Variants in MYO5C observed in about 807,000 individuals in gnomAD.
The protein encoded by MYO5C is unconventional myosin-Vc.
A neutral mutation model predicts 235.7 loss-of-function variants in MYO5C; 194 were observed. The ratio of observed to expected loss-of-function variants is 0.82; its 90% CI spans 0.73 to 0.93. MYO5C has a LOEUF of 0.93. MYO5C is among the 40% of genes least tolerant of loss of function. The pLI, the probability that MYO5C is intolerant of heterozygous loss-of-function variation, is 0.00. For synonymous variants in MYO5C, 707 were observed against 754.8 expected (o/e 0.94, Z 1.04); for missense variants, 2,038 against 2,127.2 (o/e 0.96, Z 0.82).
At chr15:52,207,280 G>A (rs1475115854) in intron 36 of MYO5C, among the ~76,000 whole-genome samples, 1 of 152,192 alleles carries the variant, frequency 6.6e-6, no homozygotes, top group African/African-American at 2.4e-5. Flanking sequence ...TGGCTGAAGG[G>A]GGCAAAGAAA....
Position 52,251,510 on chromosome 15 carries a change from T to C in MYO5C, c.1542A>G (p.Pro514=). The change falls in exon 13 of 41, where the codon CCA becomes CCG. Residue 514 remains proline (P), a synonymous_variant. Transcript: ENST00000261839. ...LELLDEECLL[P]HGTDENWLQK... ...GAAGCCAGTTTTCATCAGTTCCATG[T>C]GGTAACTGGAAAAGAAAAATAAACC... 1 of 1,594,910 alleles carries C rather than the reference T, an allele frequency of 6.3e-7. No homozygotes were observed. Among genetic ancestry groups the C allele is most frequent in the Non-Finnish European group, 8.5e-7 (1 of 1,170,540 alleles).
chr15:52,279,073 GT>G (rs774181870), intron 3 of MYO5C, 56 bp from the exon 4 acceptor site: 15,126 of 1,394,222 alleles, frequency 0.011, 5 homozygotes, highest in Non-Finnish European at 0.011. Flanking sequence ...TGCATCTCCA[GT>G]TTTTTTTTTT....
At chr15:52,291,990 C>T (rs567325356) in intron 1 of MYO5C, among the ~76,000 whole-genome samples, 12 of 152,090 alleles carry the variant, frequency 7.9e-5, no homozygotes, top group African/African-American at 2.2e-4. Flanking sequence ...CCGCCCGCCT[C>T]GGCCTCCCAA....
chr15:52,206,476 G>A (rs2035316771), intron 36 of MYO5C, among the ~76,000 whole-genome samples: 2 of 152,188 alleles, frequency 1.3e-5, no homozygotes, highest in African/African-American at 2.4e-5. Flanking sequence ...GGGAGGTAAT[G>A]AGGTTAAATG....
At chr15:52,264,049 C>G in intron 9 of MYO5C, 141 bp downstream of exon 9, 1 of 603,486 alleles carries the variant, frequency 1.7e-6, no homozygotes, top group Non-Finnish European at 2.9e-6. Flanking sequence ...CCCTGGAAAC[C>G]CTTGCCGCCT....
At chr15:52,245,840 G>A (rs2036328761) in intron 17 of MYO5C, 116 bp downstream of exon 17, 3 of 898,104 alleles carry the variant, frequency 3.3e-6, no homozygotes, top group African/African-American at 1.7e-5. Flanking sequence ...AAATCTTGGG[G>A]GCACTTTACA....
At chr15:52,196,578 T>G in intron 38 of MYO5C, 95 bp from the exon 39 acceptor site, 1 of 1,173,090 alleles carries the variant, frequency 8.5e-7, no homozygotes. Flanking sequence ...GCTGAGATCC[T>G]TAAGACCACA....
At chr15:52,244,118 T>C (rs2036283986) in intron 19 of MYO5C, among the ~76,000 whole-genome samples, 3 of 152,008 alleles carry the variant, frequency 2.0e-5, no homozygotes, top group Non-Finnish European at 4.4e-5. Context: ...CAGCGCTTCC[T>C]CCCTGCAGGG....
intron 23 of MYO5C, among the ~76,000 whole-genome samples, chr15:52,233,004 G>A (rs2036000217): frequency 7.3e-5 from 1 of 13,708 alleles, no homozygotes; most frequent in South Asian, 1.6e-3. Context: ...TAGAGGCCGG[G>A]CGCGGTGGCT....
At position 52,224,655 on chromosome 15, in the gene MYO5C, T is replaced by G. The variant is rs117296674; in HGVS notation, c.3446+246A>C. On this transcript the variant is annotated intron_variant, in intron 28 of 40. Coordinates refer to ENST00000261839, the MANE Select transcript of MYO5C (RefSeq NM_018728.4). ...ATATTTCTGGCAACATTAACTAACT[T>G]ATTTGATAATCAGTTTTCACTGTAT... Among the ~76,000 whole-genome samples, 768 of 152,354 alleles carry G rather than the reference T, an allele frequency of 5.0e-3. 14 individuals are homozygous for G. Among genetic ancestry groups the G allele is most frequent in the Admixed American group, 0.027 (408 of 15,308 alleles).
chr15:52,264,072 A>G, intron 9 of MYO5C, 118 bp downstream of exon 9: 3 of 689,836 alleles, frequency 4.3e-6, no homozygotes, highest in Middle Eastern at 2.6e-4. Flanking sequence ...CTCCTGTTAA[A>G]CCAGTCTACC....
At chr15:52,216,828 C>A (rs2035564868) in intron 32 of MYO5C, among the ~76,000 whole-genome samples, 1 of 151,988 alleles carries the variant, frequency 6.6e-6, no homozygotes, top group African/African-American at 2.4e-5. Flanking sequence ...GGCTGTAAAT[C>A]CAATGCAGGT....
chr15:52,236,446 G>C (rs1444114461), intron 22 of MYO5C, among the ~76,000 whole-genome samples: 1 of 152,224 alleles, frequency 6.6e-6, no homozygotes, highest in Non-Finnish European at 1.5e-5. Context: ...GGCCAAGCGG[G>C]GGTGGATCAC....
chr15:52,264,315 C>G lies in MYO5C; in HGVS notation c.941-19G>C, dbSNP rs767594456. ...TTGAAACCTAAAAACAAACATTTTC[C>G]CAGATTAGAATACTGCATCTCTTCT... On this transcript the variant is annotated intron_variant, in intron 8 of 40. Transcript: ENST00000261839. The G allele has an allele frequency of 6.3e-7, 1 of 1,585,592 alleles. No individual in the cohort carries two copies. The highest frequency in any genetic ancestry group is 1.7e-5 in the Admixed American group (1 of 59,480).
At chr15:52,254,558 C>T (rs1353866049) in intron 11 of MYO5C, among the ~76,000 whole-genome samples, 2 of 151,876 alleles carry the variant, frequency 1.3e-5, no homozygotes, top group Non-Finnish European at 2.9e-5. Flanking sequence ...TCAGGAGAGT[C>T]CTACCCAAAG....
At chr15:52,229,392 A>C in intron 24 of MYO5C, 79 bp from the exon 25 acceptor site, 2 of 1,360,268 alleles carry the variant, frequency 1.5e-6, no homozygotes, top group Non-Finnish European at 2.0e-6. Flanking sequence ...TGGGAGGCCA[A>C]GGCAGGCGGA....
In MYO5C at chr15:52,211,873, G is replaced by C; in HGVS notation, c.4153C>G (p.Arg1385Gly). 6.2e-7 allele frequency: 1 copy of C among 1,613,768 alleles called. No individual in the cohort carries two copies. Among genetic ancestry groups the C allele is most frequent in the Non-Finnish European group, 8.5e-7 (1 of 1,179,834 alleles). ...GGGATCATGTTCACCACCACGCCAC[G>C]GGGCTTCAAGTCTGAAGCAGAGAGA... ...IQNLILDLKP[R>G]GVVVNMIPGL... The change falls in exon 35 of 41, where the codon CGT (arginine) becomes GGT (glycine). Residue 1385 changes from arginine to glycine, a missense_variant. By Grantham distance (125) the Arg-to-Gly change is moderately radical (BLOSUM62 -2). Coordinates refer to ENST00000261839, the MANE Select transcript of MYO5C (RefSeq NM_018728.4).
chr15:52,223,230 T>G (rs964236604), intron 29 of MYO5C, among the ~76,000 whole-genome samples: 1 of 151,478 alleles, frequency 6.6e-6, no homozygotes, highest in African/African-American at 2.4e-5. Context: ...GAGCTACCCT[T>G]CAATTTTGTG....
chr15:52,229,139 C>G lies in MYO5C; in HGVS notation c.3201G>C (p.Gln1067His), dbSNP rs1027291650. 2 of 1,614,050 alleles carry G rather than the reference C, an allele frequency of 1.2e-6. No homozygotes were observed. Among genetic ancestry groups the G allele is most frequent in the Non-Finnish European group, 1.7e-6 (2 of 1,180,046 alleles). ...LKAEVARLSKQVKTISEFEKE... is the reference protein window; with the variant it reads ...LKAEVARLSKHVKTISEFEKE... ...AACGTGAGAGCCGCTCTACCTTGAC[C>G]TGCTTGCTCAGGCGGGCCACTTCCG... is the stretch of plus-strand genomic sequence containing the variant. The change falls in exon 25 of 41, where the codon CAG becomes CAC. Residue 1067 changes from glutamine to histidine, a missense_variant. Coordinates refer to ENST00000261839, the MANE Select transcript of MYO5C (RefSeq NM_018728.4).
Sources: gnomAD v4.1 joint callset for allele counts (sites outside exome capture counted in the v4.1 genomes callset) on GRCh38, gnomAD v4.1.1 for gene constraint, MANE v1.5 for transcripts, NCBI Gene and HGNC (gene_info 2026-07-23, HGNC 2026-07-21) for gene names.